The following ARHGAP26 variants were observed in gnomAD, a reference collection of about 807,000 sequenced individuals.
ARHGAP26 encodes the protein rho GTPase-activating protein 26.
ARHGAP26 carries 38 observed loss-of-function variants against 104.8 expected under a neutral mutation model. The observed-to-expected ratio is 0.36, with a 90% CI of 0.28 to 0.48. The LOEUF (loss-of-function observed/expected upper bound fraction) is 0.48. Among genes scored for constraint, ARHGAP26 ranks in the 20% least tolerant of loss-of-function variants. ARHGAP26 has a pLI of 0.99. For synonymous variants in ARHGAP26, 341 were observed against 340.0 expected (o/e 1.00, Z -0.03); for missense variants, 704 against 947.9 (o/e 0.74, Z 3.38).
chr5:143,211,209 A>C (rs1463044273), intron 21 of ARHGAP26, among the ~76,000 whole-genome samples: 1 of 152,236 alleles, frequency 6.6e-6, no homozygotes, highest in East Asian at 1.9e-4. Flanking sequence ...ATAAAATAAA[A>C]ATACAGCAGA....
chr5:143,169,383 G>A (rs1381084123), intron 20 of ARHGAP26: 2 of 152,228 alleles, frequency 1.3e-5, no homozygotes, highest in Admixed American at 1.3e-4. Context: ...GGGCACAGGT[G>A]TTGCCATCAG....
At chr5:142,949,653 G>T (rs1768006856) in intron 11 of ARHGAP26, among the ~76,000 whole-genome samples, 1 of 152,058 alleles carries the variant, frequency 6.6e-6, no homozygotes, top group Non-Finnish European at 1.5e-5. Flanking sequence ...AAGGAGGATT[G>T]GTACAAGCAG....
chr5:142,877,486 A>G (rs1445881022), intron 3 of ARHGAP26, among the ~76,000 whole-genome samples: 1 of 152,142 alleles, frequency 6.6e-6, no homozygotes, highest in Non-Finnish European at 1.5e-5. Flanking sequence ...GTTGGAACCA[A>G]GTGGATGTTA....
rs1022771639 is a variant in ARHGAP26, at chr5:143,048,129, C to T, written c.1285+6239C>T. 5.2e-4 allele frequency among the ~76,000 whole-genome samples: 79 copies of T among 151,610 alleles called. 1 individual carries two copies. The highest frequency in any genetic ancestry group is 3.4e-3 in the Middle Eastern group (1 of 292). On this transcript the variant is annotated intron_variant, in intron 14 of 22. Coordinates refer to ENST00000645722, the MANE Select transcript of ARHGAP26 (RefSeq NM_001135608.3). ...CTCCCAAAGTGCTGGGATTATAAGG[C>T]GTGAGCCACCGCACCTGGCAGTGTG...
At chr5:142,941,074 CAAAAAAAA>C (rs1162903888) in intron 11 of ARHGAP26, among the ~76,000 whole-genome samples, 1 of 27,244 alleles carries the variant, frequency 3.7e-5, no homozygotes, top group Non-Finnish European at 6.4e-5. Context: ...GACTCCATCT[CAAAAAAAA>C]AAAAAAAAAA....
intron 1 of ARHGAP26, among the ~76,000 whole-genome samples, chr5:142,803,949 A>G (rs1762516800): frequency 6.6e-6 from 1 of 152,220 alleles, no homozygotes; most frequent in Admixed American, 6.5e-5. Context: ...GTGACTTTGT[A>G]TCAGCACTGG....
chr5:142,804,928 A>T (rs1762711227), intron 1 of ARHGAP26, among the ~76,000 whole-genome samples: 1 of 152,120 alleles, frequency 6.6e-6, no homozygotes, highest in South Asian at 2.1e-4. Context: ...TCTTGTATGA[A>T]TGGAATCATT....
At chr5:143,026,416 T>A (rs1426962010) in intron 12 of ARHGAP26, among the ~76,000 whole-genome samples, 2 of 151,996 alleles carry the variant, frequency 1.3e-5, no homozygotes, top group Non-Finnish European at 2.9e-5. Flanking sequence ...AGGGAGTGAT[T>A]TTAGATACCT....
At position 143,121,363 on chromosome 5, in the gene ARHGAP26, A is replaced by G. The variant is rs559779163; in HGVS notation, c.1698+216A>G. ...AGTTACAATGACAACAGCCATGGTT[A>G]TGGTGGTGGCAGTGGTGGGTAAAAT... On this transcript the variant is annotated intron_variant, in intron 18 of 22. Transcript: ENST00000645722. Among the ~76,000 whole-genome samples, 10 of 152,310 alleles carry G rather than the reference A, an allele frequency of 6.6e-5. No homozygotes were observed. The East Asian group carries it at 1.9e-3, about 29-fold the overall frequency.
intron 17 of ARHGAP26, among the ~76,000 whole-genome samples, chr5:143,095,533 C>T (rs1792168554): frequency 6.6e-6 from 1 of 152,314 alleles, no homozygotes; most frequent in Non-Finnish European, 1.5e-5. Flanking sequence ...TATTAAATGA[C>T]ATTTTACATT....
chr5:142,902,397 C>T (rs949428478), intron 7 of ARHGAP26, among the ~76,000 whole-genome samples: 9 of 152,112 alleles, frequency 5.9e-5, no homozygotes, highest in African/African-American at 1.2e-4. Context: ...TACATGAGAC[C>T]GTGTGGAGTG....
chr5:142,950,498 T>G (rs563613798), intron 11 of ARHGAP26, among the ~76,000 whole-genome samples: 36 of 152,272 alleles, frequency 2.4e-4, no homozygotes, highest in Middle Eastern at 3.4e-3. Flanking sequence ...ACAACTCTAT[T>G]CATTTCTTTT....
chr5:143,094,793 GA>G (rs995819987), intron 17 of ARHGAP26, among the ~76,000 whole-genome samples: 1 of 152,058 alleles, frequency 6.6e-6, no homozygotes, highest in Non-Finnish European at 1.5e-5. Context: ...GGTTTGGGGG[GA>G]AAATGGCTAT....
chr5:143,031,532 C>T (rs979208982), intron 12 of ARHGAP26, among the ~76,000 whole-genome samples: 5 of 149,412 alleles, frequency 3.3e-5, no homozygotes, highest in Non-Finnish European at 5.9e-5. Context: ...AAGGGTGATA[C>T]TTGTGATTTT....
chr5:143,032,579 C>A (rs1334630054), intron 12 of ARHGAP26, among the ~76,000 whole-genome samples: 4 of 152,186 alleles, frequency 2.6e-5, no homozygotes. Flanking sequence ...TTAGCAAACG[C>A]AGCTTGGTGG....
In ARHGAP26 at chr5:143,014,368, C is replaced by T. The variant is rs1598632976; in HGVS notation, c.1144+252C>T. On this transcript the variant is annotated intron_variant, in intron 12 of 22. Transcript: ENST00000645722. ...AAATAATGGGTCACACTTTACAAAGCATTCTCGTGTACATTATCTCCTTTA... is the reference window on the plus strand; with the variant it reads ...AAATAATGGGTCACACTTTACAAAGTATTCTCGTGTACATTATCTCCTTTA... The T allele has an allele frequency of 5.3e-6, 3 of 562,910 alleles. No individual in the cohort carries two copies. In the East Asian group the frequency reaches 8.9e-5, roughly 17 times the overall value. 34.9% of individuals were successfully genotyped at this position (562,910 alleles called of 1,614,324 possible).
chr5:143,055,020 T>C (rs1785591703), intron 15 of ARHGAP26, among the ~76,000 whole-genome samples: 1 of 152,246 alleles, frequency 6.6e-6, no homozygotes, highest in Non-Finnish European at 1.5e-5. Flanking sequence ...CTGCAGAGAC[T>C]ATTTTCCTTG....
intron 10 of ARHGAP26, among the ~76,000 whole-genome samples, chr5:142,928,458 C>T (rs1249743097): frequency 6.6e-6 from 1 of 152,108 alleles, no homozygotes; most frequent in Non-Finnish European, 1.5e-5. Context: ...CTCATTTAAT[C>T]CCGTGCAGGA....
intron 20 of ARHGAP26, among the ~76,000 whole-genome samples, chr5:143,180,215 T>C (rs1804110689): frequency 6.6e-6 from 1 of 152,142 alleles, no homozygotes. Context: ...AACCTCCGCC[T>C]CCTGGGTTCA....
Sources: allele counts gnomAD v4.1 joint callset (sites outside exome capture counted in the v4.1 genomes callset), GRCh38; gene constraint gnomAD v4.1.1; transcripts MANE v1.5; gene names NCBI Gene and HGNC (gene_info 2026-07-23, HGNC 2026-07-21).